Variants in COL9A1 observed in about 807,000 individuals in gnomAD.
COL9A1 encodes the protein collagen type IX alpha 1 chain, also known as collagen alpha-1(IX) chain.
A neutral mutation model predicts 142.6 loss-of-function variants in COL9A1; 104 were observed. The observed-to-expected ratio is 0.73, with a 90% confidence interval of 0.62 to 0.86. COL9A1 has a LOEUF of 0.86. Among genes scored for constraint, COL9A1 ranks in the 40% least tolerant of loss-of-function variants. The pLI is 0.00. For missense variants in COL9A1, 1,210 were observed against 1,176.6 expected (o/e 1.03, Z -0.42); for synonymous variants, 466 against 396.0 (o/e 1.18, Z -2.10).
At chr6:70,299,895 A>C in intron 4 of COL9A1, 148 bp downstream of exon 4, 1 of 744,286 alleles carries the variant, frequency 1.3e-6, no homozygotes, top group Non-Finnish European at 2.3e-6. Context: ...AAGGTACTGA[A>C]GATAGGCAGG....
At chr6:70,300,770 G>A (rs1425238903) in intron 2 of COL9A1, among the ~76,000 whole-genome samples, 2 of 152,124 alleles carry the variant, frequency 1.3e-5, no homozygotes, top group Admixed American at 6.6e-5. Flanking sequence ...AATGGCACAG[G>A]GTCAGAAATC....
chr6:70,288,039 A>G (rs968877699), intron 5 of COL9A1, among the ~76,000 whole-genome samples: 1 of 152,132 alleles, frequency 6.6e-6, no homozygotes, highest in Non-Finnish European at 1.5e-5. Flanking sequence ...AGATGGACCT[A>G]TCTGTTGAAC....
chr6:70,235,889 C>A (rs12213613), intron 33 of COL9A1, among the ~76,000 whole-genome samples: 1 of 151,690 alleles, frequency 6.6e-6, no homozygotes, highest in South Asian at 2.1e-4. Context: ...CCCAGGTGGG[C>A]GGATCACGAG....
chr6:70,282,681 AC>A (rs1172312297), intron 7 of COL9A1, among the ~76,000 whole-genome samples: 2 of 152,148 alleles, frequency 1.3e-5, no homozygotes, highest in Non-Finnish European at 2.9e-5. Flanking sequence ...AGTAGGGAGG[AC>A]CCAGATTGGG....
rs1418208068 is a variant in COL9A1, at chr6:70,255,284, C to G, written c.1557+53G>C. The G allele has an allele frequency of 3.1e-6, 5 of 1,608,894 alleles. No individual in the cohort carries two copies. The Admixed American group carries it at 5.0e-5, about 16-fold the overall frequency. On this transcript the variant is annotated intron_variant, in intron 22 of 37. Transcript: ENST00000357250. Reference sequence around the variant, plus strand: ...GACTTGTCAAAGAGATCAGCATAATCAGCAGATGACACTGAAAAGCAGGAG... The same window carrying G: ...GACTTGTCAAAGAGATCAGCATAATGAGCAGATGACACTGAAAAGCAGGAG...
intron 14 of COL9A1, among the ~76,000 whole-genome samples, chr6:70,271,353 A>G (rs1019441688): frequency 1.1e-4 from 16 of 152,206 alleles, no homozygotes; most frequent in African/African-American, 3.9e-4. Flanking sequence ...CAGGGAGCCT[A>G]ATACAAAAGC....
intron 37 of COL9A1, among the ~76,000 whole-genome samples, chr6:70,218,389 G>A (rs1018596188): frequency 2.0e-5 from 3 of 152,100 alleles, no homozygotes; most frequent in African/African-American, 7.2e-5. Flanking sequence ...CCTCAATGGG[G>A]CACACTCTCT....
At position 70,266,217 on chromosome 6, in the gene COL9A1, A is replaced by C. The variant is rs188681507; in HGVS notation, c.1341+500T>G. On this transcript the variant is annotated intron_variant, in intron 18 of 37. Coordinates refer to ENST00000357250, the MANE Select transcript of COL9A1 (RefSeq NM_001851.6). ...ATAACGTAAGTTATTACTAACCTCC[A>C]GCTTACTCAGAATCTAGGTTATATT... Among the ~76,000 whole-genome samples the C allele has an allele frequency of 2.6e-5, 4 of 152,332 alleles. No individual in the cohort carries two copies. In the East Asian group the frequency reaches 7.7e-4, roughly 29 times the overall value.
At chr6:70,282,873 C>T in intron 7 of COL9A1, 25 bp downstream of exon 7, 1 of 1,614,174 alleles carries the variant, frequency 6.2e-7, no homozygotes, top group South Asian at 1.1e-5. Context: ...TTGAAAAATG[C>T]AAACACTCCC....
chr6:70,256,905 T>C (rs75512057), intron 20 of COL9A1, 84 bp from the exon 21 acceptor site: 1 of 1,313,604 alleles, frequency 7.6e-7, no homozygotes, highest in East Asian at 2.3e-5. Flanking sequence ...AGAAATTTAA[T>C]AGCCAGATGA....
chr6:70,252,160 G>A lies in COL9A1; in HGVS notation c.1832C>T (p.Pro611Leu). The change falls in exon 28 of 38, where the codon CCT (proline) becomes CTT (leucine). Residue 611 changes from proline to leucine, a missense_variant. Pro to Leu is a moderately conservative substitution (Grantham distance 98, BLOSUM62 -3). Coordinates refer to ENST00000357250, the MANE Select transcript of COL9A1 (RefSeq NM_001851.6). ...TCCTCGGGGTCCCACCTCTCCTGGA[G>A]GCCCCTGTTGGCCCTGTTATCAGGA... The part of the protein sequence containing the change: ...GNSGKPGQQG[P>L]PGEVGPRGPQ... 2 of 1,614,140 alleles carry A rather than the reference G, an allele frequency of 1.2e-6. No individual in the cohort carries two copies. Among genetic ancestry groups the A allele is most frequent in the African/African-American group, 2.7e-5 (2 of 75,046 alleles).
chr6:70,292,058 T>C (rs951656652), intron 5 of COL9A1, among the ~76,000 whole-genome samples: 4 of 152,210 alleles, frequency 2.6e-5, no homozygotes. Context: ...GTAAGTTGGC[T>C]TTCCTTACAT....
Position 70,240,801 on chromosome 6 carries a change from C to T in COL9A1, c.2035-68G>A, listed in dbSNP as rs1770208410. On this transcript the variant is annotated intron_variant, in intron 31 of 37. Transcript: ENST00000357250. ...CCATTGCCCAATTTTAACCAGTAAA[C>T]ATTGATAAGCATTCATAAGTGCCCA... The T allele has an allele frequency of 2.6e-6, 3 of 1,175,862 alleles. No homozygotes were observed. In the South Asian group the frequency reaches 3.7e-5, roughly 14 times the overall value. The allele number at this position is 1,175,862 out of a possible 1,614,324, so 72.8% of individuals were successfully genotyped here.
chr6:70,267,305 T>C (rs1772076334), intron 17 of COL9A1, among the ~76,000 whole-genome samples: 1 of 147,212 alleles, frequency 6.8e-6, no homozygotes, highest in South Asian at 2.1e-4. Context: ...ACATTTTTTG[T>C]TGTTGTTTGT....
intron 17 of COL9A1, among the ~76,000 whole-genome samples, chr6:70,268,065 G>A (rs1166910384): frequency 3.9e-5 from 6 of 152,036 alleles, no homozygotes; most frequent in Admixed American, 6.6e-5. Flanking sequence ...AAGTAATTAC[G>A]GTGGCAGACA....
chr6:70,216,436 G>A lies in COL9A1; in HGVS notation c.*461C>T, dbSNP rs1768507226. On this transcript the variant is annotated 3_prime_UTR_variant, in exon 38 of 38. Transcript: ENST00000357250. ...GCACCAATTCCATTGAATGTAGTGG[G>A]GTTTCTTCATAACTAGTCTAGTAAT... 1 of 176,064 alleles carries A rather than the reference G, an allele frequency of 5.7e-6. No homozygotes were observed. The allele number at this position is 176,064 out of a possible 1,614,324, so 10.9% of individuals were successfully genotyped here. A position where few individuals can be genotyped will look rare whatever the true frequency, so the allele number is the denominator to read the frequency against.
chr6:70,282,861 G>T (rs774265373), intron 7 of COL9A1, 37 bp downstream of exon 7: 3 of 1,613,928 alleles, frequency 1.9e-6, no homozygotes, highest in South Asian at 1.1e-5. Flanking sequence ...CCTCGTGTGC[G>T]CTTGAAAAAT....
intron 4 of COL9A1, among the ~76,000 whole-genome samples, chr6:70,295,307 T>TA (rs1491344562): frequency 6.8e-6 from 1 of 147,398 alleles, no homozygotes; most frequent in African/African-American, 2.5e-5. Context: ...TTTTTTTTTT[T>TA]ATGGAGTCTC....
chr6:70,279,670 A>C (rs543575), intron 10 of COL9A1: 10,552 of 172,292 alleles, frequency 0.061, 1,020 homozygotes, highest in African/African-American at 0.19. Context: ...AAAAAAAAAA[A>C]CACATACACA....
Sources: gnomAD v4.1 joint callset for allele counts (sites outside exome capture counted in the v4.1 genomes callset) on GRCh38, gnomAD v4.1.1 for gene constraint, MANE v1.5 for transcripts, NCBI Gene and HGNC (gene_info 2026-07-23, HGNC 2026-07-21) for gene names.